WDR19: variants seen among roughly 807,000 people sequenced by gnomAD.
WDR19 encodes the protein WD repeat domain 19.
A neutral mutation model predicts 180.0 loss-of-function variants in WDR19; 121 were observed. That is an observed-to-expected ratio of 0.67 (90% CI 0.58 to 0.78). WDR19 has a LOEUF of 0.78. Ranked by LOEUF, WDR19 falls within the 30% of genes least tolerant of loss-of-function variation. The probability of loss-of-function intolerance (pLI) is 0.00; values close to 1 mark genes in which losing one functional copy is unlikely to be tolerated. For synonymous variants in WDR19, 497 were observed against 540.7 expected, an observed-to-expected ratio of 0.92 and a Z score of 1.12; for missense variants, 1,450 against 1,640.7, an observed-to-expected ratio of 0.88 and a Z score of 2.01.
chr4:39,206,978 C>T (rs963103323), intron 9 of WDR19, among the ~76,000 whole-genome samples: 4 of 152,102 alleles, frequency 2.6e-5, no homozygotes, highest in African/African-American at 9.7e-5. Flanking sequence ...CCCCAAATTA[C>T]TTGACATATG....
At chr4:39,254,082 C>T (rs1054893525) in intron 26 of WDR19, 52 bp downstream of exon 26, 9 of 1,561,782 alleles carry the variant, frequency 5.8e-6, no homozygotes, top group Non-Finnish European at 7.9e-6. Context: ...CATAAAAACA[C>T]TTTGTCTCTT....
chr4:39,262,780 G>A (rs1734416423), intron 28 of WDR19, among the ~76,000 whole-genome samples: 1 of 152,054 alleles, frequency 6.6e-6, no homozygotes, highest in African/African-American at 2.4e-5. Flanking sequence ...CTCAAGGTCC[G>A]GAACCCATCT....
chr4:39,264,062 G>A lies in WDR19; in HGVS notation c.3184-2001G>A, dbSNP rs117122468. Among the ~76,000 whole-genome samples the A allele has an allele frequency of 6.6e-4, 100 of 152,024 alleles. No individual in the cohort carries two copies. The East Asian group carries it at 0.019, about 29-fold the overall frequency. ...TAACTGGGAATCCTGTATTTTTATT[G>A]TCTGTATTTGACAGTCCTGTCTACT... On this transcript the variant is annotated intron_variant, in intron 28 of 36. Transcript: ENST00000399820.
chr4:39,217,927 G>T lies in WDR19; in HGVS notation c.1357-56G>T, dbSNP rs1729239752. 3.1e-6 allele frequency: 5 copies of T among 1,599,238 alleles called. No individual in the cohort carries two copies. In the South Asian group the frequency reaches 5.6e-5, roughly 18 times the overall value. On this transcript the variant is annotated intron_variant, in intron 13 of 36. Transcript: ENST00000399820. ...TGAGAAAAAGACACCCCTAGATGTT[G>T]TATAGATGGTTTACTCAAATAAATC...
intron 20 of WDR19, chr4:39,237,991 G>A (rs1731542578): frequency 6.6e-6 from 1 of 152,192 alleles, no homozygotes; most frequent in Non-Finnish European, 1.5e-5. Context: ...GAGTTCAATT[G>A]AAAGCCTCTG....
intron 9 of WDR19, chr4:39,205,953 T>A: frequency 2.1e-6 from 1 of 476,580 alleles, no homozygotes; most frequent in Non-Finnish European, 3.7e-6. Flanking sequence ...CTGGGTAACA[T>A]GGAGTAAGCA....
At chr4:39,215,540 G>C (rs974874118) in intron 10 of WDR19, among the ~76,000 whole-genome samples, 2 of 152,046 alleles carry the variant, frequency 1.3e-5, no homozygotes, top group Non-Finnish European at 2.9e-5. Context: ...GTTTGTGTAA[G>C]TACACTCTAT....
chr4:39,204,517 A>G (rs1185841380), intron 7 of WDR19, among the ~76,000 whole-genome samples: 2 of 152,260 alleles, frequency 1.3e-5, no homozygotes, highest in African/African-American at 2.4e-5. Context: ...CTAAAAACCT[A>G]TTAAATTGAT....
chr4:39,273,174 C>T, intron 32 of WDR19, 113 bp downstream of exon 32: 1 of 781,064 alleles, frequency 1.3e-6, no homozygotes, highest in Non-Finnish European at 2.0e-6. Flanking sequence ...ATTCTCACAG[C>T]AGCTCCATGA....
chr4:39,253,918 G>T lies in WDR19; in HGVS notation c.2889G>T (p.Gln963His). The change falls in exon 26 of 37, where the codon CAG (glutamine) becomes CAT (histidine). Residue 963 changes from glutamine (Q) to histidine (H), a missense_variant. Transcript: ENST00000399820. The part of the protein sequence containing the change: ...GAKMVARFFL[Q>H]LGDYGSAIQF... ...TACTTTGCTTTAGGTTTTTTCTACAGCTTGGTGACTATGGGTCTGCCATCC... is the reference window on the plus strand; with the variant it reads ...TACTTTGCTTTAGGTTTTTTCTACATCTTGGTGACTATGGGTCTGCCATCC... 3.7e-6 allele frequency: 6 copies of T among 1,602,356 alleles called. No homozygotes were observed. The highest frequency in any genetic ancestry group is 5.1e-6 in the Non-Finnish European group (6 of 1,173,588).
At chr4:39,275,572 A>G (rs535830250) in intron 33 of WDR19, among the ~76,000 whole-genome samples, 1 of 152,198 alleles carries the variant, frequency 6.6e-6, no homozygotes, top group African/African-American at 2.4e-5. Flanking sequence ...CATCTGCCAC[A>G]CCCCCAGACA....
Position 39,253,320 on chromosome 4 carries a change from C to T in WDR19, c.2876+28C>T, listed in dbSNP as rs373818089. 4 of 1,586,656 alleles carry T rather than the reference C, an allele frequency of 2.5e-6. No homozygotes were observed. The African/African-American group carries it at 5.4e-5, about 21-fold the overall frequency. ...AACATAATACATTAATATTTTTGGACTTTCAAAAACTAACCATAAAAGTAA... is the reference window on the plus strand; with the variant it reads ...AACATAATACATTAATATTTTTGGATTTTCAAAAACTAACCATAAAAGTAA... On this transcript the variant is annotated intron_variant, in intron 25 of 36. Transcript: ENST00000399820.
At chr4:39,277,998 C>A in intron 34 of WDR19, 133 bp from the exon 35 acceptor site, 1 of 713,960 alleles carries the variant, frequency 1.4e-6, no homozygotes, top group Non-Finnish European at 2.4e-6. Context: ...AGGTTGCAGA[C>A]AGCCAACAAT....
At chr4:39,212,691 C>T (rs1270595523) in intron 9 of WDR19, among the ~76,000 whole-genome samples, 5 of 152,124 alleles carry the variant, frequency 3.3e-5, no homozygotes, top group South Asian at 4.1e-4. Flanking sequence ...TATTTGCAAA[C>T]CACGTATCCA....
intron 28 of WDR19, among the ~76,000 whole-genome samples, chr4:39,265,574 C>A (rs1021296041): frequency 6.6e-6 from 1 of 151,752 alleles, no homozygotes; most frequent in Non-Finnish European, 1.5e-5. Flanking sequence ...GAGATCGAGA[C>A]CATCGTGGCC....
intron 36 of WDR19, 34 bp downstream of exon 36, chr4:39,278,697 G>A (rs777255760): frequency 4.9e-5 from 68 of 1,381,366 alleles, no homozygotes; most frequent in East Asian, 2.8e-4. Context: ...CCTTCTGGGC[G>A]CAAGGGCCCA....
At chr4:39,211,929 CAGAGAGAGAGAGAGAGAG>C (rs60128786) in intron 9 of WDR19, among the ~76,000 whole-genome samples, 20,475 of 135,200 alleles carry the variant, frequency 0.15, 2,333 homozygotes, top group African/African-American at 0.33. Flanking sequence ...TATAGACAGA[CAGAGAGAGAGAGAGAGAG>C]AGAGAGAGAG....
In WDR19 at chr4:39,205,712, A is replaced by G. The variant is rs1236463983; in HGVS notation, c.866A>G (p.Lys289Arg). ...TSIAVSQTLN[K>R]VATCGDNCIK... Reference sequence around the variant, plus strand: ...ATTGCAGTATCACAGACTCTTAACAAAGTTGCTACATGTGGAGATAACTGG... The same window carrying G: ...ATTGCAGTATCACAGACTCTTAACAGAGTTGCTACATGTGGAGATAACTGG... Residue 289 changes from lysine to arginine, a missense_variant, in exon 9 of 37, where the codon AAA becomes AGA. Physicochemically the swap from Lys to Arg is conservative, Grantham distance 26. Coordinates refer to ENST00000399820, the MANE Select transcript of WDR19 (RefSeq NM_025132.4). The G allele has an allele frequency of 6.2e-7, 1 of 1,606,380 alleles. No homozygotes were observed.
At chr4:39,285,089 A>AC (rs1560577780) in intron 36 of WDR19, among the ~76,000 whole-genome samples, 10 of 142,456 alleles carry the variant, frequency 7.0e-5, no homozygotes, top group African/African-American at 2.7e-4. Context: ...GACACACACA[A>AC]AGTCACTGTA....
Sources: allele counts gnomAD v4.1 joint callset (sites outside exome capture counted in the v4.1 genomes callset), GRCh38; gene constraint gnomAD v4.1.1; transcripts MANE v1.5; gene names NCBI Gene and HGNC (gene_info 2026-07-23, HGNC 2026-07-21).